Variants in TBC1D19 observed in about 807,000 individuals in gnomAD.
TBC1D19 encodes TBC1 domain family member 19.
A neutral mutation model predicts 89.0 loss-of-function variants in TBC1D19; 60 were observed. The ratio of observed to expected loss-of-function variants is 0.67; its 90% CI spans 0.55 to 0.84. The LOEUF is 0.84. Among genes scored for constraint, TBC1D19 ranks in the 40% least tolerant of loss-of-function variants. The pLI is 0.00. For missense variants in TBC1D19, 500 were observed against 610.8 expected, an observed-to-expected ratio of 0.82 and a Z score of 1.91; for synonymous variants, 189 against 199.7, an observed-to-expected ratio of 0.95 and a Z score of 0.45.
intron 8 of TBC1D19, among the ~76,000 whole-genome samples, chr4:26,663,845 T>C: frequency 6.6e-6 from 1 of 152,212 alleles, no homozygotes; most frequent in South Asian, 2.1e-4. Flanking sequence ...CCTGTGATCC[T>C]GTAATGGATA....
chr4:26,678,333 A>G (rs1006718244), intron 11 of TBC1D19, among the ~76,000 whole-genome samples: 20 of 152,204 alleles, frequency 1.3e-4, no homozygotes, highest in Admixed American at 1.2e-3. Context: ...ACAAGTCTCA[A>G]TTATTTTAGG....
chr4:26,611,869 G>A (rs1741398163), intron 1 of TBC1D19, among the ~76,000 whole-genome samples: 1 of 151,888 alleles, frequency 6.6e-6, no homozygotes, highest in Non-Finnish European at 1.5e-5. Flanking sequence ...CCAGACTTTG[G>A]AAAGGGAGCG....
chr4:26,638,008 A>G (rs192087084), intron 5 of TBC1D19, among the ~76,000 whole-genome samples: 1 of 152,338 alleles, frequency 6.6e-6, no homozygotes, highest in Non-Finnish European at 1.5e-5. Context: ...ATCTTTCGGT[A>G]TTAACGTAGG....
At chr4:26,594,772 A>G (rs1178915408) in intron 1 of TBC1D19, among the ~76,000 whole-genome samples, 5 of 152,216 alleles carry the variant, frequency 3.3e-5, no homozygotes, top group African/African-American at 9.7e-5. Flanking sequence ...GTGCACCTAA[A>G]TAATAAATAT....
chr4:26,708,796 C>A (rs1158653488), intron 13 of TBC1D19, among the ~76,000 whole-genome samples: 2 of 152,028 alleles, frequency 1.3e-5, no homozygotes, highest in African/African-American at 4.8e-5. Context: ...TACCTTCCAG[C>A]TCCATAATTT....
intron 1 of TBC1D19, among the ~76,000 whole-genome samples, chr4:26,606,935 C>T (rs962092010): frequency 1.6e-4 from 24 of 152,152 alleles, no homozygotes; most frequent in Non-Finnish European, 2.8e-4. Flanking sequence ...AGCTGCTTTG[C>T]TTCTCCAGTT....
chr4:26,755,565 C>T lies in TBC1D19; in HGVS notation c.*618C>T, dbSNP rs577994422. On this transcript the variant is annotated 3_prime_UTR_variant, in exon 21 of 21. Transcript: ENST00000264866. ...ACTGGGGAAGGTCGAATACAATTGT[C>T]TCCATTTGACAATATTTTATGCTTG... Among the ~76,000 whole-genome samples the T allele has an allele frequency of 2.6e-5, 4 of 152,266 alleles. No homozygotes were observed. The East Asian group carries it at 7.7e-4, about 29-fold the overall frequency.
At chr4:26,822,897 C>A in the TBC1D19 span, among the ~76,000 whole-genome samples, 2 of 152,186 alleles carry the variant, frequency 1.3e-5, no homozygotes, top group African/African-American at 4.8e-5. Context: ...CCAGTCCCAC[C>A]CTTCCCCACC....
chr4:26,818,819 T>C, the TBC1D19 span, among the ~76,000 whole-genome samples: 225 of 152,336 alleles, frequency 1.5e-3, no homozygotes, highest in African/African-American at 4.7e-3. Context: ...ACCAAGTCAA[T>C]TGGTCACCTT....
chr4:26,835,091 A>G, the TBC1D19 span, among the ~76,000 whole-genome samples: 1 of 152,212 alleles, frequency 6.6e-6, no homozygotes. Flanking sequence ...TACTTGGCAA[A>G]TGTGAATAAG....
intron 17 of TBC1D19, 65 bp downstream of exon 17, chr4:26,740,038 A>C: frequency 1.8e-6 from 2 of 1,089,286 alleles, no homozygotes; most frequent in Admixed American, 2.8e-5. Flanking sequence ...CTTTCTGTTA[A>C]GAAAAAGTCT....
the TBC1D19 span, among the ~76,000 whole-genome samples, chr4:26,781,557 G>A: frequency 7.2e-5 from 11 of 152,224 alleles, no homozygotes; most frequent in Non-Finnish European, 1.5e-4. Context: ...CATGCAGGAT[G>A]CTGATGTTAA....
At chr4:26,580,169 G>A (rs958645724), upstream of TBC1D19, among the ~76,000 whole-genome samples, 28 of 152,278 alleles carry the variant, frequency 1.8e-4, no homozygotes, top group African/African-American at 2.6e-4. Context: ...AATGAAAGAC[G>A]GGAAAGTGGA....
the TBC1D19 span, among the ~76,000 whole-genome samples, chr4:26,827,582 C>G: frequency 6.6e-6 from 1 of 152,012 alleles, no homozygotes; most frequent in Non-Finnish European, 1.5e-5. Flanking sequence ...CCAGCCTGGG[C>G]GAGAGAGCAA....
At chr4:26,806,855 G>A in the TBC1D19 span, among the ~76,000 whole-genome samples, 2 of 152,212 alleles carry the variant, frequency 1.3e-5, no homozygotes, top group Admixed American at 1.3e-4. Flanking sequence ...TGCAAGCTGA[G>A]GAATGCCAAA....
chr4:26,620,530 G>A (rs1056865705), intron 3 of TBC1D19, 83 bp from the exon 4 acceptor site: 18 of 1,134,984 alleles, frequency 1.6e-5, no homozygotes, highest in Admixed American at 4.3e-5. Context: ...TGGGAAAACA[G>A]TTTATAACAT....
the TBC1D19 span, among the ~76,000 whole-genome samples, chr4:26,771,907 G>A: frequency 6.6e-6 from 1 of 151,952 alleles, no homozygotes; most frequent in Admixed American, 6.6e-5. Flanking sequence ...AGAAATCAAT[G>A]AAATAGAAAA....
the TBC1D19 span, among the ~76,000 whole-genome samples, chr4:26,776,644 C>G: frequency 2.0e-5 from 3 of 152,162 alleles, no homozygotes; most frequent in Non-Finnish European, 4.4e-5. Context: ...TCAAGAAGGG[C>G]TCATGGGAGA....
chr4:26,830,865 C>A, the TBC1D19 span, among the ~76,000 whole-genome samples: 2 of 152,180 alleles, frequency 1.3e-5, no homozygotes, highest in Non-Finnish European at 2.9e-5. Flanking sequence ...AACACGCTAG[C>A]CTCAGACCTC....
Sources: gnomAD v4.1 joint callset for allele counts (sites outside exome capture counted in the v4.1 genomes callset) on GRCh38, gnomAD v4.1.1 for gene constraint, MANE v1.5 for transcripts, NCBI Gene and HGNC (gene_info 2026-07-23, HGNC 2026-07-21) for gene names.